The following CELA3B variants were observed in gnomAD, a reference collection of about 807,000 sequenced individuals.
CELA3B encodes chymotrypsin-like elastase family member 3B.
CELA3B carries 34 observed loss-of-function variants against 37.2 expected under a neutral mutation model. That is an observed-to-expected ratio of 0.91 (90% CI 0.70 to 1.22). The LOEUF (loss-of-function observed/expected upper bound fraction) is 1.22, where lower values mean the gene tolerates loss of function less well. CELA3B is among the 50% of genes most tolerant of loss of function. The pLI, the probability that CELA3B is intolerant of heterozygous loss-of-function variation, is 0.00. For synonymous variants in CELA3B, 127 were observed against 143.5 expected, an observed-to-expected ratio of 0.89 and a Z score of 0.82; for missense variants, 340 against 363.1, an observed-to-expected ratio of 0.94 and a Z score of 0.52.
rs1255425997 is a variant in CELA3B at position 21,984,324 on chromosome 1, G to A, written c.635G>A (p.Gly212Asp). Residue 212 changes from glycine (G) to aspartate (D), a missense_variant, in exon 6 of 8, where the codon GGC (glycine) becomes GAC (aspartate). Physicochemically the swap from Gly to Asp is moderately conservative, Grantham distance 94. Transcript: ENST00000337107. The stretch of plus-strand genomic sequence containing the variant: ...TGTGCTGGAGGGGACATCCGCTCCG[G>A]CTGCAATGTGAGTCAGCTCTTACCT... ...MVCAGGDIRS[G>D]CNGDSGGPLN... The A allele has an allele frequency of 1.2e-6, 2 of 1,613,298 alleles. No individual in the cohort carries two copies. The highest frequency in any genetic ancestry group is 1.7e-5 in the Admixed American group (1 of 59,962).
At chr1:21,981,772 C>G (rs1338024065) in intron 4 of CELA3B, among the ~76,000 whole-genome samples, 1 of 150,910 alleles carries the variant, frequency 6.6e-6, no homozygotes, top group Admixed American at 6.6e-5. Context: ...GTCGCCCAGG[C>G]TGGAGTACAG....
At chr1:21,989,640 C>A (rs1644860771), downstream of CELA3B, among the ~76,000 whole-genome samples, 1 of 150,162 alleles carries the variant, frequency 6.7e-6, no homozygotes, top group South Asian at 2.1e-4. Flanking sequence ...AAGTCAGTAG[C>A]TTTTCAATGC....
At chr1:21,980,756 A>T in intron 2 of CELA3B, 68 bp from the exon 3 acceptor site, 1 of 1,104,090 alleles carries the variant, frequency 9.1e-7, no homozygotes, top group South Asian at 1.3e-5. Flanking sequence ...CACAACCTAT[A>T]CAGCCATTGG....
downstream of CELA3B, among the ~76,000 whole-genome samples, chr1:21,991,297 C>T (rs55858064): frequency 0.039 from 5,519 of 139,844 alleles, 326 homozygotes; most frequent in African/African-American, 0.11. Flanking sequence ...CTCAGCCTTC[C>T]GAGTAGCTGG....
At chr1:21,987,229 T>C (rs990869481) in intron 7 of CELA3B, among the ~76,000 whole-genome samples, 1 of 148,950 alleles carries the variant, frequency 6.7e-6, no homozygotes, top group Non-Finnish European at 1.5e-5. Flanking sequence ...CAGAGGCAGG[T>C]GGATCACAAG....
intron 6 of CELA3B, among the ~76,000 whole-genome samples, chr1:21,985,231 G>A (rs923253078): frequency 3.1e-4 from 47 of 151,758 alleles, no homozygotes; most frequent in East Asian, 2.0e-4. Flanking sequence ...CACAGTGGCT[G>A]TGATTTTTGC....
At position 21,980,880 on chromosome 1, in the gene CELA3B, C is replaced by T. The variant is rs539795888; in HGVS notation, c.186C>T (p.Leu62=). 21 of 1,612,592 alleles carry T rather than the reference C, an allele frequency of 1.3e-5. No homozygotes were observed. Among genetic ancestry groups the T allele is most frequent in the Admixed American group, 1.2e-4 (7 of 59,824 alleles). The stretch of plus-strand genomic sequence containing the variant: ...TCTACCACACCTGTGGCGGTAGCCT[C>T]ATCGCCCCCGACTGGGTTGTGACTG... ...GSFYHTCGGS[L]IAPDWVVTAG... is the part of the protein sequence containing the mutation. The change falls in exon 3 of 8, where the codon CTC becomes CTT. Residue 62 remains leucine (L), a synonymous_variant. Transcript: ENST00000337107.
At chr1:21,985,660 G>T (rs1385240383) in intron 6 of CELA3B, among the ~76,000 whole-genome samples, 1 of 151,632 alleles carries the variant, frequency 6.6e-6, no homozygotes, top group Non-Finnish European at 1.5e-5. Flanking sequence ...GGGAGGCCGA[G>T]CCGGGCGGAT....
chr1:21,981,886 T>C (rs779064086), intron 4 of CELA3B, among the ~76,000 whole-genome samples: 22 of 151,938 alleles, frequency 1.4e-4, no homozygotes, highest in Non-Finnish European at 1.8e-4. Flanking sequence ...CCACCACGCC[T>C]GGCTAATTTT....
chr1:21,995,985 G>A lies in CELA3B; in HGVS notation c.505-2166G>A, dbSNP rs1229971802. On this transcript the variant is annotated intron_variant, in intron 4 of 4. Transcript: ENST00000400277. Reference sequence around the variant, plus strand: ...TCCCAGCACTTTGGGAGGCTGAGGCGGGCAGATCACCTGAGGTCGGGAGTT... The same window carrying A: ...TCCCAGCACTTTGGGAGGCTGAGGCAGGCAGATCACCTGAGGTCGGGAGTT... Among the ~76,000 whole-genome samples the A allele has an allele frequency of 1.2e-4, 18 of 149,994 alleles. No individual in the cohort carries two copies. The East Asian group carries it at 2.9e-3, about 25-fold the overall frequency.
intron 7 of CELA3B, among the ~76,000 whole-genome samples, chr1:21,988,963 A>G (rs1416291822): frequency 3.9e-5 from 6 of 151,924 alleles, no homozygotes; most frequent in Non-Finnish European, 5.9e-5. Context: ...ATATACACAC[A>G]CAGACGTATA....
In CELA3B at chr1:21,977,079, G is replaced by A. The variant is rs149495562; in HGVS notation, c.40G>A (p.Val14Ile). 1.9e-5 allele frequency: 30 copies of A among 1,614,028 alleles called. No homozygotes were observed. Among genetic ancestry groups the A allele is most frequent in the East Asian group, 1.6e-4 (7 of 44,900 alleles). ...RLLSSLLLVA[V>I]ASGYGPPSSR... Reference sequence around the variant, plus strand: ...GCTCAGTTCCCTCCTCCTTGTGGCCGTTGGTAAGACCCCAACCTGTGTGTG... The same window carrying A: ...GCTCAGTTCCCTCCTCCTTGTGGCCATTGGTAAGACCCCAACCTGTGTGTG... The change falls in exon 1 of 8, where the codon GTT (valine) becomes ATT (isoleucine). Residue 14 changes from valine (V) to isoleucine (I), a missense_variant. Coordinates refer to ENST00000337107, the MANE Select transcript of CELA3B (RefSeq NM_007352.4).
downstream of CELA3B, among the ~76,000 whole-genome samples, chr1:21,991,683 T>G (rs776940130): frequency 2.0e-5 from 3 of 151,362 alleles, no homozygotes; most frequent in Middle Eastern, 3.4e-3. Context: ...TAAAGGGTTA[T>G]AGCCTGCATG....
rs1179120567 is a variant in CELA3B, at chr1:21,984,241, C to T, written c.552C>T (p.Asp184=). The change falls in exon 6 of 8, where the codon GAC becomes GAT. Residue 184 remains aspartate (D), a synonymous_variant. Transcript: ENST00000337107. ...KLQEALLPVV[D]YEHCSRWNWW... ...AGGAGGCCCTGCTGCCGGTGGTGGA[C>T]TATGAACACTGCTCCAGGTGGAACT... 6.2e-7 allele frequency: 1 copy of T among 1,614,082 alleles called. No individual in the cohort carries two copies. Among genetic ancestry groups the T allele is most frequent in the African/African-American group, 1.3e-5 (1 of 74,924 alleles).
chr1:21,998,122 C>A (rs1280581445), intron 4 of CELA3B: 3 of 469,686 alleles, frequency 6.4e-6, no homozygotes, highest in Non-Finnish European at 1.3e-5. Context: ...GTTCCAACAG[C>A]TTAGATTTTG....
chr1:21,998,452 G>C, exon 5 of CELA3B: 1 of 268,880 alleles, frequency 3.7e-6, no homozygotes, highest in Non-Finnish European at 7.9e-6. Context: ...TCTAGAATGT[G>C]CCCATCAGGA....
At chr1:21,992,674 G>A (rs755401470), downstream of CELA3B, among the ~76,000 whole-genome samples, 2 of 151,500 alleles carry the variant, frequency 1.3e-5, no homozygotes, top group Admixed American at 1.3e-4. Context: ...AGCTGCTAGA[G>A]AAAAGGAAAA....
chr1:21,982,054 A>G (rs10917095), intron 4 of CELA3B, among the ~76,000 whole-genome samples: 1 of 152,080 alleles, frequency 6.6e-6, no homozygotes, highest in Non-Finnish European at 1.5e-5. Context: ...CTGAGTGGCT[A>G]AGACTTTTTT....
chr1:21,978,507 C>T (rs1294081091), intron 2 of CELA3B, 53 bp downstream of exon 2: 1 of 1,596,200 alleles, frequency 6.3e-7, no homozygotes, highest in East Asian at 2.2e-5. Context: ...GGACCCTAAG[C>T]TCTAATGGCG....
Sources: gnomAD v4.1 joint callset for allele counts (sites outside exome capture counted in the v4.1 genomes callset) on GRCh38, gnomAD v4.1.1 for gene constraint, MANE v1.5 for transcripts, NCBI Gene and HGNC (gene_info 2026-07-23, HGNC 2026-07-21) for gene names.